Variants in TRPC4 observed in about 807,000 individuals in gnomAD.
TRPC4 encodes the protein transient receptor potential cation channel subfamily C member 4.
Under a neutral mutation model 99.4 loss-of-function variants are expected in TRPC4, and 49 were observed. The observed-to-expected ratio is 0.49, with a 90% confidence interval of 0.39 to 0.63. The LOEUF (loss-of-function observed/expected upper bound fraction) is 0.63. Ranked by LOEUF, TRPC4 falls within the 20% of genes least tolerant of loss-of-function variation. The pLI is 0.00. For synonymous variants in TRPC4, 454 were observed against 425.9 expected, an observed-to-expected ratio of 1.07 and a Z score of -0.81; for missense variants, 898 against 1,152.9, an observed-to-expected ratio of 0.78 and a Z score of 3.20.
chr13:37,815,381 C>A (rs550192891), intron 1 of TRPC4, among the ~76,000 whole-genome samples: 1 of 151,966 alleles, frequency 6.6e-6, no homozygotes, highest in Non-Finnish European at 1.5e-5. Context: ...ACCCATCTCA[C>A]ATGCAATGAC....
intron 4 of TRPC4, among the ~76,000 whole-genome samples, chr13:37,690,460 T>C (rs2138868095): frequency 6.6e-6 from 1 of 152,176 alleles, no homozygotes; most frequent in East Asian, 1.9e-4. Context: ...GATTACAGGC[T>C]GTGGCCACCA....
intron 5 of TRPC4, among the ~76,000 whole-genome samples, chr13:37,666,238 C>A (rs1290410755): frequency 1.3e-5 from 2 of 152,186 alleles, no homozygotes; most frequent in Non-Finnish European, 2.9e-5. Flanking sequence ...GCAGCTGGCT[C>A]AGCTGCACGG....
chr13:37,641,539 C>T (rs895139736), intron 8 of TRPC4, among the ~76,000 whole-genome samples: 6 of 152,154 alleles, frequency 3.9e-5, no homozygotes, highest in East Asian at 1.9e-4. Context: ...GAATGCAGTG[C>T]GCTCACCAAA....
At chr13:37,661,986 G>T (rs1952457386) in intron 6 of TRPC4, among the ~76,000 whole-genome samples, 1 of 152,122 alleles carries the variant, frequency 6.6e-6, no homozygotes, top group African/African-American at 2.4e-5. Context: ...GTCAGGCCAA[G>T]AAACTGCTGC....
At chr13:37,660,374 G>A (rs775355731) in intron 6 of TRPC4, among the ~76,000 whole-genome samples, 1 of 152,122 alleles carries the variant, frequency 6.6e-6, no homozygotes, top group Non-Finnish European at 1.5e-5. Context: ...TGATAAGAAG[G>A]CTCCAGGTGA....
chr13:37,869,312 G>T (rs1484349602), intron 1 of TRPC4, among the ~76,000 whole-genome samples: 2 of 152,040 alleles, frequency 1.3e-5, no homozygotes, highest in African/African-American at 4.8e-5. Flanking sequence ...TTCACTCCTC[G>T]CCCTCTCCCC....
At chr13:37,700,385 A>G (rs532133040) in intron 3 of TRPC4, among the ~76,000 whole-genome samples, 1 of 152,164 alleles carries the variant, frequency 6.6e-6, no homozygotes, top group Non-Finnish European at 1.5e-5. Flanking sequence ...TGAGCCACTG[A>G]CATTTTCCAC....
chr13:37,685,168 A>C (rs1252379742), intron 4 of TRPC4, among the ~76,000 whole-genome samples: 1 of 152,202 alleles, frequency 6.6e-6, no homozygotes, highest in Non-Finnish European at 1.5e-5. Flanking sequence ...AACATGGTCC[A>C]TTCAAATTTC....
intron 10 of TRPC4, 113 bp downstream of exon 10, chr13:37,638,927 A>C (rs1951621319): frequency 9.1e-7 from 1 of 1,093,378 alleles, no homozygotes; most frequent in Admixed American, 1.9e-5. Context: ...ATCAGAAGCC[A>C]CACAGGCTTG....
intron 1 of TRPC4, among the ~76,000 whole-genome samples, chr13:37,863,291 T>C (rs1273410541): frequency 6.6e-6 from 1 of 151,634 alleles, no homozygotes; most frequent in Non-Finnish European, 1.5e-5. Flanking sequence ...AACCATTTTA[T>C]AGGGACACTG....
intron 8 of TRPC4, among the ~76,000 whole-genome samples, chr13:37,643,234 C>A (rs574968810): frequency 6.6e-6 from 1 of 152,204 alleles, no homozygotes; most frequent in Non-Finnish European, 1.5e-5. Flanking sequence ...ACTTGTAGGG[C>A]TAATTTAAGG....
intron 8 of TRPC4, among the ~76,000 whole-genome samples, chr13:37,647,727 A>G (rs544894689): frequency 7.9e-5 from 12 of 152,350 alleles, no homozygotes; most frequent in Non-Finnish European, 1.3e-4. Context: ...AGTTTCACAA[A>G]GTGAGTGTCA....
At chr13:37,714,107 T>TC (rs1954580652) in intron 3 of TRPC4, among the ~76,000 whole-genome samples, 1 of 151,920 alleles carries the variant, frequency 6.6e-6, no homozygotes, top group South Asian at 2.1e-4. Flanking sequence ...TTCTTTTTTT[T>TC]CTCTTTCGCT....
Position 37,711,080 on chromosome 13 carries a change from G to T in TRPC4, c.898-18745C>A, listed in dbSNP as rs182381250. 3.0e-4 allele frequency among the ~76,000 whole-genome samples: 46 copies of T among 151,960 alleles called. 1 individual carries two copies. The highest frequency in any genetic ancestry group is 1.8e-3 in the Admixed American group (28 of 15,238). Reference sequence around the variant, plus strand: ...TAATTCTTAAGTCAATGATCTAAAAGGTCACGCAGAATGTGTTTAGATAAA... The same window carrying T: ...TAATTCTTAAGTCAATGATCTAAAATGTCACGCAGAATGTGTTTAGATAAA... On this transcript the variant is annotated intron_variant, in intron 3 of 10. Coordinates refer to ENST00000379705, the MANE Select transcript of TRPC4 (RefSeq NM_016179.4).
intron 3 of TRPC4, among the ~76,000 whole-genome samples, chr13:37,708,040 C>A (rs896693696): frequency 1.3e-5 from 2 of 151,972 alleles, no homozygotes; most frequent in African/African-American, 4.8e-5. Flanking sequence ...CCAGCTTCAA[C>A]GCCAGCACTC....
intron 1 of TRPC4, among the ~76,000 whole-genome samples, chr13:37,805,548 T>C (rs1352479503): frequency 6.6e-6 from 1 of 152,056 alleles, no homozygotes; most frequent in Non-Finnish European, 1.5e-5. Context: ...CCCAATGTCT[T>C]TGTGCCTGAT....
chr13:37,868,560 A>G (rs921653415), intron 1 of TRPC4, among the ~76,000 whole-genome samples: 1 of 152,196 alleles, frequency 6.6e-6, no homozygotes, highest in Admixed American at 6.5e-5. Context: ...GTACTGTGAA[A>G]GGAAAGGCAG....
intron 1 of TRPC4, among the ~76,000 whole-genome samples, chr13:37,855,320 T>G (rs1959161207): frequency 7.2e-6 from 1 of 138,940 alleles, no homozygotes; most frequent in Non-Finnish European, 1.5e-5. Context: ...TATACACATG[T>G]AGATATATAC....
At chr13:37,688,003 T>C (rs1275739436) in intron 4 of TRPC4, among the ~76,000 whole-genome samples, 2 of 152,332 alleles carry the variant, frequency 1.3e-5, no homozygotes, top group Admixed American at 1.3e-4. Context: ...GTTAGAACTG[T>C]ATCACAATGA....
Sources: gnomAD v4.1 joint callset for allele counts (sites outside exome capture counted in the v4.1 genomes callset) on GRCh38, gnomAD v4.1.1 for gene constraint, MANE v1.5 for transcripts, NCBI Gene and HGNC (gene_info 2026-07-23, HGNC 2026-07-21) for gene names.